CYP39A1: variants seen among roughly 807,000 people sequenced by gnomAD.
CYP39A1 encodes the protein cytochrome P450 family 39 subfamily A member 1.
Under a neutral mutation model 58.1 loss-of-function variants are expected in CYP39A1, and 49 were observed. The ratio of observed to expected loss-of-function variants is 0.84; its 90% CI spans 0.67 to 1.07. CYP39A1 has a LOEUF of 1.07. Among genes scored for constraint, CYP39A1 ranks in the 50% least tolerant of loss-of-function variants. The pLI is 0.00. For missense variants in CYP39A1, 531 were observed against 539.4 expected (o/e 0.98, Z 0.16); for synonymous variants, 209 against 187.6 (o/e 1.11, Z -0.93).
At position 46,588,016 on chromosome 6, in the gene CYP39A1, C is replaced by T. The variant is rs752187095; in HGVS notation, c.1161+18G>A. The stretch of plus-strand genomic sequence containing the variant: ...AATTAAAATGAAAGAATAATATATA[C>T]TGAAAGAGATAACTTACAGGTTTGA... On this transcript the variant is annotated intron_variant, in intron 9 of 11. Coordinates refer to ENST00000275016, the MANE Select transcript of CYP39A1 (RefSeq NM_016593.5). The T allele has an allele frequency of 7.1e-7, 1 of 1,403,916 alleles. No individual in the cohort carries two copies. The highest frequency in any genetic ancestry group is 9.9e-7 in the Non-Finnish European group (1 of 1,013,276). The allele number at this position is 1,403,916 out of a possible 1,614,324, so 87.0% of individuals were successfully genotyped here.
At chr6:46,597,163 A>C (rs1773217755) in intron 7 of CYP39A1, among the ~76,000 whole-genome samples, 2 of 152,044 alleles carry the variant, frequency 1.3e-5, no homozygotes, top group South Asian at 4.1e-4. Flanking sequence ...TCAGAAGCAA[A>C]CACCTTTGGT....
At chr6:46,647,011 AT>A (rs935499958) in intron 1 of CYP39A1, among the ~76,000 whole-genome samples, 185 of 139,820 alleles carry the variant, frequency 1.3e-3, no homozygotes, top group East Asian at 4.7e-3. Context: ...GATTTTCCTT[AT>A]TTTTTTTTTT....
chr6:46,621,028 T>C lies in CYP39A1; in HGVS notation c.931+4390A>G, dbSNP rs372689075. Reference sequence around the variant, plus strand: ...AAATGTCCAGTTTTCAACAAAGAATTATAAGGCATATAATAAGAAACATGA... The same window carrying C: ...AAATGTCCAGTTTTCAACAAAGAATCATAAGGCATATAATAAGAAACATGA... On this transcript the variant is annotated intron_variant, in intron 7 of 11. Coordinates refer to ENST00000275016, the MANE Select transcript of CYP39A1 (RefSeq NM_016593.5). Among the ~76,000 whole-genome samples, 7 of 152,252 alleles carry C rather than the reference T, an allele frequency of 4.6e-5. No homozygotes were observed. In the East Asian group the frequency reaches 7.7e-4, roughly 17 times the overall value.
At chr6:46,555,827 G>A (rs1770641572) in intron 10 of CYP39A1, among the ~76,000 whole-genome samples, 2 of 152,070 alleles carry the variant, frequency 1.3e-5, no homozygotes, top group South Asian at 4.1e-4. Flanking sequence ...AATGAAATCT[G>A]GAGCACTCCA....
At chr6:46,648,735 T>C in intron 1 of CYP39A1, among the ~76,000 whole-genome samples, 1 of 151,818 alleles carries the variant, frequency 6.6e-6, no homozygotes, top group East Asian at 1.9e-4. Flanking sequence ...ATGATTAAGA[T>C]GCAGAGAGGG....
chr6:46,551,056 T>C (rs1287213803), intron 11 of CYP39A1, among the ~76,000 whole-genome samples: 1 of 151,768 alleles, frequency 6.6e-6, no homozygotes, highest in East Asian at 1.9e-4. Context: ...TATTTGAGGT[T>C]TAGGGGATTA....
Position 46,652,491 on chromosome 6 carries a change from C to T in CYP39A1, c.92G>A (p.Cys31Tyr), listed in dbSNP as rs759820966. Residue 31 changes from cysteine (C) to tyrosine (Y), a missense_variant, in exon 1 of 12, where the codon TGC becomes TAC. By Grantham distance (194) the Cys-to-Tyr change is radical. Transcript: ENST00000275016. ...LQRKNLRRPP[C>Y]IKGWIPWIGV... The stretch of plus-strand genomic sequence containing the variant: ...AATCCAAGGAATCCAGCCCTTGATG[C>T]ACGGGGGTCTACGCAAATTCTTCCG... 3.7e-6 allele frequency: 6 copies of T among 1,613,942 alleles called. No individual in the cohort carries two copies. The highest frequency in any genetic ancestry group is 5.1e-6 in the Non-Finnish European group (6 of 1,179,950).
At position 46,652,565 on chromosome 6, in the gene CYP39A1, T is replaced by C. The variant is rs758015765; in HGVS notation, c.18A>G (p.Pro6=). 5.0e-6 allele frequency: 8 copies of C among 1,605,392 alleles called. No homozygotes were observed. Among genetic ancestry groups the C allele is most frequent in the Non-Finnish European group, 6.8e-6 (8 of 1,176,568 alleles). The change falls in exon 1 of 12, where the codon CCA becomes CCG. Residue 6 remains proline (P), a synonymous_variant. Transcript: ENST00000275016. MELIS[P]TVIIILGCLA... is the part of the protein sequence containing the mutation. ...GGCAACCCAGGATTATAATCACTGT[T>C]GGGGAAATTAGTTCCATGTTTTTGT...
intron 8 of CYP39A1, among the ~76,000 whole-genome samples, chr6:46,595,253 T>C (rs1773078938): frequency 1.3e-5 from 2 of 152,048 alleles, no homozygotes; most frequent in Admixed American, 1.3e-4. Flanking sequence ...GTATGAAGGT[T>C]CCTCAAAAAA....
chr6:46,597,830 A>G (rs1454169873), intron 7 of CYP39A1, among the ~76,000 whole-genome samples: 1 of 152,146 alleles, frequency 6.6e-6, no homozygotes. Context: ...CACCTCAACA[A>G]TGAAACAGTG....
At chr6:46,590,436 A>G (rs959416688) in intron 8 of CYP39A1, among the ~76,000 whole-genome samples, 53 of 152,258 alleles carry the variant, frequency 3.5e-4, no homozygotes, top group African/African-American at 1.3e-3. Context: ...ACATAATCTT[A>G]AAGAGAAAGG....
rs190207839 is a variant in CYP39A1 at position 46,582,981 on chromosome 6, T to C, written c.1250+4096A>G. ...ACAGTACTACTAAATTACTATTAGA[T>C]GGACCTCTGATTTTAATTAATTTTC... On this transcript the variant is annotated intron_variant, in intron 10 of 11. Transcript: ENST00000275016. 12 of 785,432 alleles carry C rather than the reference T, an allele frequency of 1.5e-5. No homozygotes were observed. The Admixed American group carries it at 3.8e-4, about 25-fold the overall frequency. The allele number at this position is 785,432 out of a possible 1,614,324, so 48.7% of individuals were successfully genotyped here.
At chr6:46,647,667 C>A (rs948148042) in intron 1 of CYP39A1, among the ~76,000 whole-genome samples, 4 of 152,118 alleles carry the variant, frequency 2.6e-5, no homozygotes, top group Non-Finnish European at 5.9e-5. Context: ...AATATTTTTG[C>A]AAAATATCGA....
rs566886118 is a variant in CYP39A1 at position 46,571,806 on chromosome 6, G to A, written c.1250+15271C>T. On this transcript the variant is annotated intron_variant, in intron 10 of 11. Coordinates refer to ENST00000275016, the MANE Select transcript of CYP39A1 (RefSeq NM_016593.5). ...TGTTTTGTAGTTCCTTAGTTCTTTT[G>A]TTCCTCTCTTGCTATCTTCCTTTCT... 4.0e-5 allele frequency among the ~76,000 whole-genome samples: 6 copies of A among 151,858 alleles called. No individual in the cohort carries two copies. The South Asian group carries it at 1.2e-3, about 32-fold the overall frequency.
At chr6:46,598,752 A>G (rs1316096794) in intron 7 of CYP39A1, among the ~76,000 whole-genome samples, 1 of 152,180 alleles carries the variant, frequency 6.6e-6, no homozygotes, top group Non-Finnish European at 1.5e-5. Flanking sequence ...CAAAAAGACT[A>G]TAAGATGAAA....
chr6:46,557,650 A>C (rs1408204521), intron 10 of CYP39A1, among the ~76,000 whole-genome samples: 1 of 151,356 alleles, frequency 6.6e-6, no homozygotes, highest in East Asian at 1.9e-4. Context: ...CTTTAAAAAA[A>C]AAAAAAAGCA....
intron 7 of CYP39A1, among the ~76,000 whole-genome samples, chr6:46,607,783 T>C (rs1224765599): frequency 2.0e-5 from 3 of 152,080 alleles, no homozygotes; most frequent in Non-Finnish European, 4.4e-5. Context: ...AAAATGCAAA[T>C]AATAAAATCC....
chr6:46,641,401 TTCTTG>T (rs1309032516), intron 2 of CYP39A1, among the ~76,000 whole-genome samples: 1 of 152,068 alleles, frequency 6.6e-6, no homozygotes, highest in Non-Finnish European at 1.5e-5. Context: ...AAAACAAACT[TTCTTG>T]TCTTAATGGC....
chr6:46,588,204 T>C (rs534072872), intron 8 of CYP39A1, 75 bp from the exon 9 acceptor site: 4 of 781,500 alleles, frequency 5.1e-6, no homozygotes, highest in East Asian at 2.9e-5. Context: ...CTAAAAATGA[T>C]GCTACAATTA....
Sources: allele counts gnomAD v4.1 joint callset (sites outside exome capture counted in the v4.1 genomes callset), GRCh38; gene constraint gnomAD v4.1.1; transcripts MANE v1.5; gene names NCBI Gene and HGNC (gene_info 2026-07-23, HGNC 2026-07-21).